LRRC4C: variants seen among roughly 807,000 people sequenced by gnomAD.
LRRC4C encodes the protein leucine rich repeat containing 4C.
Under a neutral mutation model 33.6 loss-of-function variants are expected in LRRC4C, and 5 were observed. The observed-to-expected ratio is 0.15, with a 90% CI of 0.08 to 0.31. The LOEUF is 0.31. LRRC4C is among the 10% of genes least tolerant of loss of function. LRRC4C has a pLI of 1.00. For missense variants in LRRC4C, 560 were observed against 796.7 expected, an observed-to-expected ratio of 0.70 and a Z score of 3.58; for synonymous variants, 329 against 302.0, an observed-to-expected ratio of 1.09 and a Z score of -0.93.
At chr11:40,946,886 AATTCAAAAAAAT>A (rs1287193826) in intron 1 of LRRC4C, among the ~76,000 whole-genome samples, 1 of 152,158 alleles carries the variant, frequency 6.6e-6, no homozygotes, top group African/African-American at 2.4e-5. Flanking sequence ...AGTCCCAATA[AATTCAAAAAAAT>A]TTAAATCATA....
chr11:40,819,229 A>G (rs1951824457), intron 2 of LRRC4C, among the ~76,000 whole-genome samples: 1 of 152,090 alleles, frequency 6.6e-6, no homozygotes, highest in Non-Finnish European at 1.5e-5. Context: ...TAGGCAAAAT[A>G]CCTTCTGCAA....
At chr11:40,316,219 C>T (rs1945565577) in intron 4 of LRRC4C, among the ~76,000 whole-genome samples, 2 of 151,964 alleles carry the variant, frequency 1.3e-5, no homozygotes, top group Admixed American at 6.6e-5. Flanking sequence ...TCATTATAGA[C>T]ATTGGGGGAA....
intron 1 of LRRC4C, among the ~76,000 whole-genome samples, chr11:41,286,010 T>C (rs886120367): frequency 1.1e-4 from 17 of 151,930 alleles, no homozygotes; most frequent in Admixed American, 1.0e-3. Context: ...TTTGTATTTT[T>C]AGTAGAGACG....
chr11:41,426,688 T>C (rs1955054741), intron 1 of LRRC4C, among the ~76,000 whole-genome samples: 1 of 152,180 alleles, frequency 6.6e-6, no homozygotes, highest in African/African-American at 2.4e-5. Context: ...CACTGAAACT[T>C]AGTGGCTTAA....
chr11:40,329,236 C>A (rs1346962104), intron 3 of LRRC4C, among the ~76,000 whole-genome samples: 1 of 152,136 alleles, frequency 6.6e-6, no homozygotes, highest in Non-Finnish European at 1.5e-5. Flanking sequence ...TTTAATTAAA[C>A]CTTGTTTTAC....
At chr11:40,693,660 G>T (rs1216330620) in intron 2 of LRRC4C, among the ~76,000 whole-genome samples, 1 of 152,086 alleles carries the variant, frequency 6.6e-6, no homozygotes, top group Non-Finnish European at 1.5e-5. Flanking sequence ...TGTCAAGAGA[G>T]ATTATTGAAA....
intron 3 of LRRC4C, among the ~76,000 whole-genome samples, chr11:40,435,366 C>A (rs1951102852): frequency 6.6e-6 from 1 of 152,194 alleles, no homozygotes; most frequent in South Asian, 2.1e-4. Context: ...TTACCTGCTT[C>A]ACAAATAGAC....
chr11:41,184,403 T>C (rs1038730271), intron 1 of LRRC4C, among the ~76,000 whole-genome samples: 2 of 152,120 alleles, frequency 1.3e-5, no homozygotes, highest in African/African-American at 4.8e-5. Flanking sequence ...CTCTGCCAAA[T>C]ACCCTAAATC....
chr11:41,336,962 AG>A (rs779205643), intron 1 of LRRC4C, among the ~76,000 whole-genome samples: 1 of 152,246 alleles, frequency 6.6e-6, no homozygotes, highest in Non-Finnish European at 1.5e-5. Flanking sequence ...AGACATAAAA[AG>A]GAGAAAAAAA....
intron 1 of LRRC4C, among the ~76,000 whole-genome samples, chr11:41,204,398 C>T (rs1317360458): frequency 6.6e-6 from 1 of 152,166 alleles, no homozygotes; most frequent in Non-Finnish European, 1.5e-5. Context: ...GTGGCAGAAG[C>T]AACTTTCTGC....
intron 4 of LRRC4C, 74 bp downstream of exon 4, chr11:40,319,554 C>G (rs1945740094): frequency 6.6e-6 from 1 of 152,006 alleles, no homozygotes; most frequent in Non-Finnish European, 1.5e-5. Flanking sequence ...ACTTAGTGAA[C>G]CTCACTTTGT....
chr11:41,454,813 C>A lies in LRRC4C; in HGVS notation c.-496+4618G>T, dbSNP rs11820905. 6.4e-3 allele frequency among the ~76,000 whole-genome samples: 977 copies of A among 152,074 alleles called. 13 individuals are homozygous for A. The highest frequency in any genetic ancestry group is 0.023 in the African/African-American group (941 of 41,460). Reference sequence around the variant, plus strand: ...ACTCAGATTAGTTTTGGGATTTTTACCCCCTGTATAAAAATATAAATACAC... The same window carrying A: ...ACTCAGATTAGTTTTGGGATTTTTAACCCCTGTATAAAAATATAAATACAC... On this transcript the variant is annotated intron_variant, in intron 1 of 6. Coordinates refer to ENST00000528697, the MANE Select transcript of LRRC4C (RefSeq NM_001258419.2).
chr11:40,156,310 C>A (rs1858686597), intron 5 of LRRC4C, among the ~76,000 whole-genome samples: 2 of 152,066 alleles, frequency 1.3e-5, no homozygotes, highest in South Asian at 4.1e-4. Flanking sequence ...CCCACTGTCA[C>A]CACTCCTCTT....
At chr11:41,268,132 G>A (rs1296905546) in intron 1 of LRRC4C, among the ~76,000 whole-genome samples, 2 of 152,054 alleles carry the variant, frequency 1.3e-5, no homozygotes, top group Admixed American at 6.6e-5. Flanking sequence ...TGTCACATTC[G>A]TTAGGTCTGT....
At chr11:40,834,965 C>A (rs1952604672) in intron 2 of LRRC4C, among the ~76,000 whole-genome samples, 1 of 148,388 alleles carries the variant, frequency 6.7e-6, no homozygotes, top group African/African-American at 2.5e-5. Flanking sequence ...AGCAACCCAC[C>A]CTGGGATTCT....
intron 1 of LRRC4C, among the ~76,000 whole-genome samples, chr11:40,994,449 T>C (rs1853816504): frequency 6.6e-6 from 1 of 152,284 alleles, no homozygotes; most frequent in East Asian, 1.9e-4. Flanking sequence ...TAGAGATGTG[T>C]TCATTTGCAA....
At chr11:41,064,863 G>C (rs956358697) in intron 1 of LRRC4C, among the ~76,000 whole-genome samples, 2 of 152,206 alleles carry the variant, frequency 1.3e-5, no homozygotes, top group African/African-American at 4.8e-5. Flanking sequence ...CTGAGGGACT[G>C]TTTTACCTGC....
intron 1 of LRRC4C, among the ~76,000 whole-genome samples, chr11:40,952,864 AC>A (rs1303446618): frequency 1.1e-5 from 1 of 92,804 alleles, no homozygotes; most frequent in African/African-American, 3.4e-5. Flanking sequence ...ACACACACAC[AC>A]ACACACACAC....
intron 2 of LRRC4C, among the ~76,000 whole-genome samples, chr11:40,840,077 A>C (rs1258769110): frequency 6.6e-6 from 1 of 152,186 alleles, no homozygotes; most frequent in African/African-American, 2.4e-5. Flanking sequence ...AGAGTGCCAA[A>C]AATCTAAGAG....
Sources: allele counts gnomAD v4.1 joint callset (sites outside exome capture counted in the v4.1 genomes callset), GRCh38; gene constraint gnomAD v4.1.1; transcripts MANE v1.5; gene names NCBI Gene and HGNC (gene_info 2026-07-23, HGNC 2026-07-21).